Variants in SLC5A8 observed in about 807,000 individuals in gnomAD.
SLC5A8 encodes solute carrier family 5 member 8.
In SLC5A8, 55 loss-of-function variants were observed where a neutral mutation model predicts 71.9. The observed-to-expected ratio is 0.77, with a 90% CI of 0.62 to 0.96. SLC5A8 has a LOEUF of 0.96. SLC5A8 is among the 40% of genes least tolerant of loss of function. The probability of loss-of-function intolerance (pLI) is 0.00; values close to 1 mark genes in which losing one functional copy is unlikely to be tolerated. For missense variants in SLC5A8, 701 were observed against 745.3 expected (o/e 0.94, Z 0.69); for synonymous variants, 307 against 276.1 (o/e 1.11, Z -1.11).
rs563472864 is a variant in SLC5A8 at position 101,160,552 on chromosome 12, C to A, written c.1630+1422G>T. On this transcript the variant is annotated intron_variant, in intron 13 of 14. Transcript: ENST00000536262. ...GGAGGCAGTTGCACCCTTCCCCTGG[C>A]GTGGCTGCTATGGATGCATACATGT... Among the ~76,000 whole-genome samples, 26 of 152,206 alleles carry A rather than the reference C, an allele frequency of 1.7e-4. No homozygotes were observed. In the South Asian group the frequency reaches 5.4e-3, roughly 32 times the overall value.
Position 101,168,914 on chromosome 12 carries a change from T to C in SLC5A8, c.1234-732A>G, listed in dbSNP as rs186947414. ...GGGAATCACTGGTTTGTCCAGAGAG[T>C]AAAGGGGTTTAATAGAGCAGAATGA... On this transcript the variant is annotated intron_variant, in intron 10 of 14. Coordinates refer to ENST00000536262, the MANE Select transcript of SLC5A8 (RefSeq NM_145913.5). 2.0e-5 allele frequency among the ~76,000 whole-genome samples: 3 copies of C among 152,114 alleles called. No individual in the cohort carries two copies. The East Asian group carries it at 5.8e-4, about 29-fold the overall frequency.
rs893761412 is a variant in SLC5A8, at chr12:101,210,149, G to T, written c.-301C>A. On this transcript the variant is annotated 5_prime_UTR_variant, in exon 1 of 15. Coordinates refer to ENST00000536262, the MANE Select transcript of SLC5A8 (RefSeq NM_145913.5). The stretch of plus-strand genomic sequence containing the variant: ...GAACTGGAGTGGCCGAGTTCGCCAA[G>T]GCGCCGGGGACACCTGAGCAGATGA... 1.1e-5 allele frequency: 4 copies of T among 379,046 alleles called. No homozygotes were observed. The highest frequency in any genetic ancestry group is 1.9e-5 in the Non-Finnish European group (4 of 214,516). The allele number at this position is 379,046 out of a possible 1,614,324, so 23.5% of individuals were successfully genotyped here.
chr12:101,190,701 TTA>T (rs2137155584), intron 5 of SLC5A8, 93 bp from the exon 6 acceptor site: 1 of 1,088,578 alleles, frequency 9.2e-7, no homozygotes, highest in East Asian at 2.8e-5. Context: ...CAATGCACAT[TTA>T]TATACACAAC....
At position 101,157,409 on chromosome 12, in the gene SLC5A8, A is replaced by G; in HGVS notation, c.1711-8T>C. The G allele has an allele frequency of 1.3e-6, 2 of 1,580,530 alleles. No homozygotes were observed. The highest frequency in any genetic ancestry group is 2.3e-5 in the South Asian group (2 of 87,070). ...GCTCAAAACATGCTTCTTCTAAAAG[A>G]AAATGTTAACATGGTGATTAGGGGG... On this transcript the variant is annotated splice_region_variant and splice_polypyrimidine_tract_variant and intron_variant, in intron 14 of 14. Coordinates refer to ENST00000536262, the MANE Select transcript of SLC5A8 (RefSeq NM_145913.5).
Position 101,209,975 on chromosome 12 carries a change from GT to G in SLC5A8, c.-128del. Reference sequence around the variant, plus strand: ...GTGGCGTCCCGCGGGGACTGGAGGCGTCCTCCAGGTGTCGGCCTCCGAACGC... The same window carrying G: ...GTGGCGTCCCGCGGGGACTGGAGGCGCCTCCAGGTGTCGGCCTCCGAACGC... On this transcript the variant is annotated 5_prime_UTR_variant, in exon 1 of 15. Coordinates refer to ENST00000536262, the MANE Select transcript of SLC5A8 (RefSeq NM_145913.5). 1.2e-6 allele frequency: 1 copy of G among 821,198 alleles called. No homozygotes were observed. The highest frequency in any genetic ancestry group is 1.8e-6 in the Non-Finnish European group (1 of 564,320). The allele number at this position is 821,198 out of a possible 1,614,324, so 50.9% of individuals were successfully genotyped here. A position where few individuals can be genotyped will look rare whatever the true frequency, so the allele number is the denominator to read the frequency against.
intron 6 of SLC5A8, among the ~76,000 whole-genome samples, chr12:101,189,029 T>C (rs960585828): frequency 1.3e-5 from 2 of 152,170 alleles, no homozygotes; most frequent in Non-Finnish European, 2.9e-5. Context: ...ATGAGTCCCC[T>C]GGGTTTCGAG....
At chr12:101,177,716 T>G (rs2051894101) in intron 10 of SLC5A8, among the ~76,000 whole-genome samples, 2 of 152,080 alleles carry the variant, frequency 1.3e-5, no homozygotes, top group Non-Finnish European at 2.9e-5. Context: ...ATAAATTGAT[T>G]ACAGAAAAAG....
chr12:101,163,412 C>T (rs1329685307), intron 12 of SLC5A8, among the ~76,000 whole-genome samples: 2 of 151,800 alleles, frequency 1.3e-5, no homozygotes, highest in Non-Finnish European at 2.9e-5. Context: ...GGGGTGGTGG[C>T]ACACACCTAT....
At position 101,168,110 on chromosome 12, in the gene SLC5A8, AG is replaced by A; in HGVS notation, c.1305del (p.Phe436LeufsTer11). The A allele has an allele frequency of 1.2e-6, 2 of 1,608,836 alleles. No homozygotes were observed. The highest frequency in any genetic ancestry group is 1.7e-6 in the Non-Finnish European group (2 of 1,177,348). The stretch of plus-strand genomic sequence containing the variant: ...TTTGTACTTACAATTGAGTTGGCAA[AG>A]GGAACCAAAATGCCCAAAGCGAACA... Reference protein sequence around the residue: ...MGLFALGILVPFANSIGALVG... With the variant: ...MGLFALGILVXFANSIGALVG... On this transcript the variant is annotated frameshift_variant, in exon 11 of 15. Coordinates refer to ENST00000536262, the MANE Select transcript of SLC5A8 (RefSeq NM_145913.5). LOFTEE classifies it high-confidence loss of function.
chr12:101,206,696 C>G (rs903622788), intron 1 of SLC5A8, among the ~76,000 whole-genome samples: 1 of 152,136 alleles, frequency 6.6e-6, no homozygotes, highest in Admixed American at 6.5e-5. Context: ...CAAGATCTCT[C>G]GTGGTCCTCA....
Position 101,166,526 on chromosome 12 carries a change from A to G in SLC5A8, c.1494T>C (p.Thr498=). 1 of 1,613,880 alleles carries G rather than the reference A, an allele frequency of 6.2e-7. No homozygotes were observed. The highest frequency in any genetic ancestry group is 8.5e-7 in the Non-Finnish European group (1 of 1,179,880). The part of the protein sequence containing the change: ...NLMTTTEMPF[T]TSVFQIYNVQ... ...CATTGTATATTTGAAAAACACTAGT[A>G]GTAAATGGCATTTCTGTGGTTGTCA... Residue 498 remains threonine (T), a synonymous_variant, in exon 12 of 15, where the codon ACT becomes ACC. Transcript: ENST00000536262.
intron 12 of SLC5A8, among the ~76,000 whole-genome samples, chr12:101,163,385 A>G (rs2051740666): frequency 6.6e-6 from 1 of 152,200 alleles, no homozygotes; most frequent in South Asian, 2.1e-4. Context: ...AGAGATCAAG[A>G]CAATGAGAAC....
chr12:101,168,943 A>T (rs568344310), intron 10 of SLC5A8, among the ~76,000 whole-genome samples: 2 of 152,218 alleles, frequency 1.3e-5, no homozygotes, highest in African/African-American at 4.8e-5. Flanking sequence ...AGAATGAATG[A>T]ATCAAAGAGA....
chr12:101,171,872 G>T (rs2051832766), intron 10 of SLC5A8, among the ~76,000 whole-genome samples: 1 of 152,224 alleles, frequency 6.6e-6, no homozygotes, highest in African/African-American at 2.4e-5. Flanking sequence ...GCCACCCGGA[G>T]TAGCAGCAAA....
intron 12 of SLC5A8, among the ~76,000 whole-genome samples, chr12:101,165,914 A>C (rs1276309431): frequency 6.6e-6 from 1 of 152,218 alleles, no homozygotes; most frequent in Non-Finnish European, 1.5e-5. Flanking sequence ...CTGTACAATA[A>C]AGCATGCCTC....
intron 9 of SLC5A8, among the ~76,000 whole-genome samples, chr12:101,182,114 A>G (rs533735490): frequency 1.3e-5 from 2 of 152,192 alleles, no homozygotes; most frequent in African/African-American, 2.4e-5. Flanking sequence ...AAACCACTCT[A>G]TTCAAGCTGG....
chr12:101,200,951 T>G (rs1244759786), intron 3 of SLC5A8, among the ~76,000 whole-genome samples: 1 of 152,212 alleles, frequency 6.6e-6, no homozygotes, highest in Non-Finnish European at 1.5e-5. Context: ...TGTCTATGCC[T>G]GTACCTACAG....
chr12:101,158,420 A>G, intron 13 of SLC5A8, 92 bp from the exon 14 acceptor site: 1 of 783,888 alleles, frequency 1.3e-6, no homozygotes, highest in Non-Finnish European at 2.1e-6. Context: ...TAACTTGTTC[A>G]CGTTCAACTC....
chr12:101,179,888 A>G (rs2051915595), intron 10 of SLC5A8, 141 bp downstream of exon 10: 2 of 821,366 alleles, frequency 2.4e-6, no homozygotes, highest in African/African-American at 1.7e-5. Context: ...AATTAAAAAA[A>G]ATTAAAAAGT....
Sources: allele counts gnomAD v4.1 joint callset (sites outside exome capture counted in the v4.1 genomes callset), GRCh38; gene constraint gnomAD v4.1.1; transcripts MANE v1.5; gene names NCBI Gene and HGNC (gene_info 2026-07-23, HGNC 2026-07-21).